Variants in FBXL4 observed in about 807,000 individuals in gnomAD.
The protein encoded by FBXL4 is F-box/LRR-repeat protein 4.
A neutral mutation model predicts 58.9 loss-of-function variants in FBXL4; 40 were observed. The ratio of observed to expected loss-of-function variants is 0.68; its 90% CI spans 0.53 to 0.88. The LOEUF (loss-of-function observed/expected upper bound fraction) is 0.88. FBXL4 is among the 40% of genes least tolerant of loss of function. The probability of loss-of-function intolerance (pLI) is 0.00; values close to 1 mark genes in which losing one functional copy is unlikely to be tolerated. For synonymous variants in FBXL4, 263 were observed against 265.5 expected (o/e 0.99, Z 0.09); for missense variants, 676 against 734.4 (o/e 0.92, Z 0.92).
Position 98,874,447 on chromosome 6 carries a change from T to G in FBXL4, c.1703-6A>C. 1 of 1,600,654 alleles carries G rather than the reference T, an allele frequency of 6.2e-7. No individual in the cohort carries two copies. Among genetic ancestry groups the G allele is most frequent in the Non-Finnish European group, 8.5e-7 (1 of 1,176,868 alleles). On this transcript the variant is annotated splice_region_variant and splice_polypyrimidine_tract_variant and intron_variant, in intron 9 of 9. Transcript: ENST00000369244. The stretch of plus-strand genomic sequence containing the variant: ...CGGACTTACCATTCTTGTTCCTATT[T>G]AAGGGAAACAAAACAAAACAAAACA...
chr6:98,879,127 C>G (rs574189169), intron 8 of FBXL4, among the ~76,000 whole-genome samples: 1 of 152,326 alleles, frequency 6.6e-6, no homozygotes, highest in Non-Finnish European at 1.5e-5. Flanking sequence ...TGAAGCCACA[C>G]TGAGCTCTAA....
intron 5 of FBXL4, among the ~76,000 whole-genome samples, chr6:98,910,948 A>C (rs1490325066): frequency 6.6e-6 from 1 of 152,146 alleles, no homozygotes; most frequent in African/African-American, 2.4e-5. Context: ...GACAGATGGC[A>C]CCTAGAAAAT....
intron 5 of FBXL4, among the ~76,000 whole-genome samples, chr6:98,909,061 C>T (rs550194751): frequency 2.0e-5 from 3 of 152,294 alleles, no homozygotes; most frequent in South Asian, 4.1e-4. Context: ...ATTGAATACA[C>T]TGATTAAGGA....
At chr6:98,932,222 A>G (rs1773039900) in intron 2 of FBXL4, among the ~76,000 whole-genome samples, 1 of 152,178 alleles carries the variant, frequency 6.6e-6, no homozygotes, top group Non-Finnish European at 1.5e-5. Flanking sequence ...GGGGATCTTC[A>G]TTTCATTTGT....
intron 5 of FBXL4, 91 bp downstream of exon 5, chr6:98,917,283 T>G: frequency 1.1e-6 from 1 of 875,118 alleles, no homozygotes; most frequent in South Asian, 2.3e-5. Context: ...TTACCAATGC[T>G]CAATTACCGA....
intron 2 of FBXL4, among the ~76,000 whole-genome samples, chr6:98,929,897 C>A (rs577465069): frequency 6.6e-6 from 1 of 152,254 alleles, no homozygotes; most frequent in South Asian, 2.1e-4. Flanking sequence ...AAATCAGAAC[C>A]ATATGAGGCA....
chr6:98,914,121 A>C (rs1417460390), intron 5 of FBXL4, among the ~76,000 whole-genome samples: 1 of 152,236 alleles, frequency 6.6e-6, no homozygotes, highest in East Asian at 1.9e-4. Context: ...ACCAGGAAGA[A>C]GTTGAATCTC....
chr6:98,876,447 T>C (rs1287884215), intron 8 of FBXL4, among the ~76,000 whole-genome samples: 2 of 152,214 alleles, frequency 1.3e-5, no homozygotes. Flanking sequence ...ATATTAAAAT[T>C]ATCACAAGGA....
intron 1 of FBXL4, among the ~76,000 whole-genome samples, chr6:98,942,149 T>C (rs1301913748): frequency 6.6e-6 from 1 of 151,672 alleles, no homozygotes; most frequent in African/African-American, 2.4e-5. Context: ...GATATGCAAG[T>C]ATACTTCCCA....
At chr6:98,900,378 C>T (rs1771561732) in intron 6 of FBXL4, among the ~76,000 whole-genome samples, 1 of 152,198 alleles carries the variant, frequency 6.6e-6, no homozygotes, top group Non-Finnish European at 1.5e-5. Context: ...TATGCCACAT[C>T]TTTATTCCTA....
rs1028718137 is a variant in FBXL4 at position 98,873,256 on chromosome 6, A to T, written c.*1022T>A. ...TATAATATATACATGTACATTACAT[A>T]TAATATAAATGTAATATATAATTAT... On this transcript the variant is annotated 3_prime_UTR_variant, in exon 10 of 10. Transcript: ENST00000369244. 6.8e-6 allele frequency: 1 copy of T among 147,708 alleles called. No individual in the cohort carries two copies. The highest frequency in any genetic ancestry group is 1.5e-5 in the Non-Finnish European group (1 of 67,140). 9.1% of individuals were successfully genotyped at this position (147,708 alleles called of 1,614,324 possible). A position where few individuals can be genotyped will look rare whatever the true frequency, so the allele number is the denominator to read the frequency against.
chr6:98,934,871 A>G lies in FBXL4; in HGVS notation c.-300T>C, dbSNP rs1773148291. 1 of 152,260 alleles carries G rather than the reference A, an allele frequency of 6.6e-6. No homozygotes were observed. The highest frequency in any genetic ancestry group is 2.1e-4 in the South Asian group (1 of 4,834). The allele number at this position is 152,260 out of a possible 1,614,324, so 9.4% of individuals were successfully genotyped here. A position where few individuals can be genotyped will look rare whatever the true frequency, so the allele number is the denominator to read the frequency against. ...GAGAAGGCAAGGGAACCAGGCCAGG[A>G]AGAAAAATCTAAAAGCAGAGCAAAA... is the stretch of plus-strand genomic sequence containing the variant. On this transcript the variant is annotated 5_prime_UTR_variant, in exon 2 of 10. Transcript: ENST00000369244.
intron 6 of FBXL4, among the ~76,000 whole-genome samples, chr6:98,901,609 C>T (rs762515752): frequency 6.6e-6 from 1 of 152,082 alleles, no homozygotes; most frequent in Non-Finnish European, 1.5e-5. Context: ...CATATTTTTA[C>T]TCTGAGCAGA....
intron 7 of FBXL4, among the ~76,000 whole-genome samples, chr6:98,892,242 T>C (rs1442299276): frequency 1.3e-5 from 2 of 152,224 alleles, no homozygotes; most frequent in African/African-American, 4.8e-5. Flanking sequence ...CTAGCTATAT[T>C]AACATTTCTA....
chr6:98,945,571 C>T (rs1773590669), intron 1 of FBXL4, among the ~76,000 whole-genome samples: 1 of 152,122 alleles, frequency 6.6e-6, no homozygotes, highest in African/African-American at 2.4e-5. Context: ...AGAATGCATA[C>T]ATTTATTTCA....
chr6:98,930,515 T>C (rs903098012), intron 2 of FBXL4, among the ~76,000 whole-genome samples: 4 of 152,214 alleles, frequency 2.6e-5, no homozygotes, highest in African/African-American at 9.7e-5. Flanking sequence ...GGACATATAA[T>C]AGCAAGTACT....
At chr6:98,898,348 C>T in intron 7 of FBXL4, 1 of 985,384 alleles carries the variant, frequency 1.0e-6, no homozygotes, top group South Asian at 4.7e-5. Context: ...TACTCTTTAA[C>T]CTAGCAATAC....
intron 5 of FBXL4, among the ~76,000 whole-genome samples, chr6:98,910,654 C>A (rs979880801): frequency 1.3e-5 from 2 of 149,240 alleles, no homozygotes; most frequent in Non-Finnish European, 3.0e-5. Context: ...GAGACTCCAT[C>A]TCGAAAAAAA....
chr6:98,919,897 C>G (rs1396697473), intron 4 of FBXL4, among the ~76,000 whole-genome samples: 1 of 152,136 alleles, frequency 6.6e-6, no homozygotes, highest in Non-Finnish European at 1.5e-5. Flanking sequence ...GGAACATCTC[C>G]AAGAAACAAG....
Sources: gnomAD v4.1 joint callset for allele counts (sites outside exome capture counted in the v4.1 genomes callset) on GRCh38, gnomAD v4.1.1 for gene constraint, MANE v1.5 for transcripts, NCBI Gene and HGNC (gene_info 2026-07-23, HGNC 2026-07-21) for gene names.